ZNF804B: variants seen among roughly 807,000 people sequenced by gnomAD.
ZNF804B encodes the protein zinc finger protein 804B, also known as zinc finger 804B.
ZNF804B carries 80 observed loss-of-function variants against 101.4 expected under a neutral mutation model. That is an observed-to-expected ratio of 0.79 (90% CI 0.66 to 0.95). ZNF804B has a LOEUF of 0.95. Ranked by LOEUF, ZNF804B falls within the 40% of genes least tolerant of loss-of-function variation. The pLI, the probability that ZNF804B is intolerant of heterozygous loss-of-function variation, is 0.00. For missense variants in ZNF804B, 1,673 were observed against 1,561.9 expected (o/e 1.07, Z -1.20); for synonymous variants, 622 against 558.8 (o/e 1.11, Z -1.59).
chr7:88,772,932 T>C (rs962889913), intron 1 of ZNF804B, among the ~76,000 whole-genome samples: 3 of 152,170 alleles, frequency 2.0e-5, no homozygotes, highest in Non-Finnish European at 4.4e-5. Context: ...TTCTTCCTTT[T>C]CCTCTGTATC....
At chr7:88,774,986 G>T (rs1169153139) in intron 1 of ZNF804B, among the ~76,000 whole-genome samples, 1 of 152,112 alleles carries the variant, frequency 6.6e-6, no homozygotes, top group Non-Finnish European at 1.5e-5. Flanking sequence ...AACATTTTGG[G>T]GTCCTTACTA....
chr7:88,942,501 AGTGTGT>A (rs72429940), intron 1 of ZNF804B, among the ~76,000 whole-genome samples: 14 of 86,982 alleles, frequency 1.6e-4, no homozygotes, highest in African/African-American at 2.5e-4. Flanking sequence ...TATTTGAGTG[AGTGTGT>A]GTGTGTGTGT....
At chr7:89,243,836 G>T (rs775530497) in intron 2 of ZNF804B, among the ~76,000 whole-genome samples, 1 of 151,654 alleles carries the variant, frequency 6.6e-6, no homozygotes, top group African/African-American at 2.4e-5. Context: ...AGTTCATGTG[G>T]TAAATAAACA....
rs1400458515 is a variant in ZNF804B at position 89,334,580 on chromosome 7, A to G, written c.1598A>G (p.Tyr533Cys). The G allele has an allele frequency of 1.9e-6, 3 of 1,613,826 alleles. No homozygotes were observed. The highest frequency in any genetic ancestry group is 1.7e-6 in the Non-Finnish European group (2 of 1,179,854). Reference sequence around the variant, plus strand: ...AAATTGATCCAAGAAGATTATCAATATCCGAAACCAAAGACGATGATAGCT... The same window carrying G: ...AAATTGATCCAAGAAGATTATCAATGTCCGAAACCAAAGACGATGATAGCT... ...QQKLIQEDYQYPKPKTMIANP... is the reference protein window; with the variant it reads ...QQKLIQEDYQCPKPKTMIANP... The change falls in exon 4 of 4, where the codon TAT (tyrosine) becomes TGT (cysteine). Residue 533 changes from tyrosine to cysteine, a missense_variant. Physicochemically the swap from Tyr to Cys is radical, Grantham distance 194. Transcript: ENST00000333190.
intron 1 of ZNF804B, among the ~76,000 whole-genome samples, chr7:88,981,867 G>T (rs1014185552): frequency 1.3e-5 from 2 of 152,016 alleles, no homozygotes; most frequent in African/African-American, 4.8e-5. Flanking sequence ...GGGGATCAGG[G>T]AGTGGTGGTG....
intron 1 of ZNF804B, among the ~76,000 whole-genome samples, chr7:89,023,926 C>T (rs1323623980): frequency 6.6e-6 from 1 of 152,114 alleles, no homozygotes; most frequent in Admixed American, 6.6e-5. Context: ...TACAATGAAA[C>T]CAAGCTGACA....
At chr7:89,039,752 G>GT (rs1023239272) in intron 1 of ZNF804B, among the ~76,000 whole-genome samples, 3 of 151,606 alleles carry the variant, frequency 2.0e-5, no homozygotes, top group African/African-American at 4.8e-5. Context: ...TCTGGGTATA[G>GT]TTTTTTTGGT....
intron 1 of ZNF804B, among the ~76,000 whole-genome samples, chr7:88,989,186 C>T (rs925492543): frequency 1.3e-5 from 2 of 151,880 alleles, no homozygotes; most frequent in Non-Finnish European, 2.9e-5. Flanking sequence ...TTAGTAGAGA[C>T]GGGGTTTCAC....
intron 1 of ZNF804B, among the ~76,000 whole-genome samples, chr7:88,991,939 C>A (rs1793853678): frequency 6.6e-6 from 1 of 152,112 alleles, no homozygotes; most frequent in Non-Finnish European, 1.5e-5. Context: ...CAAAAAATTA[C>A]AATATTGGCA....
chr7:89,014,727 T>G lies in ZNF804B; in HGVS notation c.109-203428T>G, dbSNP rs147658163. On this transcript the variant is annotated intron_variant, in intron 1 of 3. Coordinates refer to ENST00000333190, the MANE Select transcript of ZNF804B (RefSeq NM_181646.5). ...ATTGTTTATTTGCTGTTGAGATGTTTGATATCCTTGTATATTCTAGATGTT... is the reference window on the plus strand; with the variant it reads ...ATTGTTTATTTGCTGTTGAGATGTTGGATATCCTTGTATATTCTAGATGTT... Among the ~76,000 whole-genome samples, 1,187 of 152,344 alleles carry G rather than the reference T, an allele frequency of 7.8e-3. 20 individuals are homozygous for G. The highest frequency in any genetic ancestry group is 0.027 in the African/African-American group (1,130 of 41,574).
chr7:88,928,933 T>C (rs1262779524), intron 1 of ZNF804B, among the ~76,000 whole-genome samples: 1 of 152,060 alleles, frequency 6.6e-6, no homozygotes, highest in Non-Finnish European at 1.5e-5. Context: ...GACACTTATT[T>C]TGGACAGTAT....
chr7:89,285,228 A>G (rs1562937034), intron 2 of ZNF804B, among the ~76,000 whole-genome samples: 1 of 151,768 alleles, frequency 6.6e-6, no homozygotes, highest in Admixed American at 6.6e-5. Flanking sequence ...CAAAAAAATA[A>G]AAGAAGAAAA....
At chr7:89,066,866 A>G (rs563359501) in intron 1 of ZNF804B, among the ~76,000 whole-genome samples, 22 of 152,054 alleles carry the variant, frequency 1.4e-4, no homozygotes, top group African/African-American at 4.8e-4. Context: ...GGGTTCAAGC[A>G]GTTCTCCTGC....
chr7:89,128,457 G>C (rs1427589903), intron 1 of ZNF804B, among the ~76,000 whole-genome samples: 1 of 151,850 alleles, frequency 6.6e-6, no homozygotes, highest in Non-Finnish European at 1.5e-5. Flanking sequence ...TGTGAGAATG[G>C]CCTTTAGCCC....
intron 1 of ZNF804B, among the ~76,000 whole-genome samples, chr7:88,768,167 A>G (rs1377782028): frequency 2.6e-5 from 4 of 152,212 alleles, no homozygotes; most frequent in Non-Finnish European, 5.9e-5. Flanking sequence ...GGACATTCCC[A>G]CTGATACATT....
intron 1 of ZNF804B, among the ~76,000 whole-genome samples, chr7:88,875,974 G>A (rs1053907231): frequency 2.6e-5 from 4 of 152,054 alleles, no homozygotes; most frequent in Non-Finnish European, 4.4e-5. Flanking sequence ...GAGCAAGTGG[G>A]CTTCATCCCT....
In ZNF804B at chr7:89,259,263, A is replaced by G. The variant is rs192949025; in HGVS notation, c.249+40968A>G. On this transcript the variant is annotated intron_variant, in intron 2 of 3. Transcript: ENST00000333190. ...GGTGTCTATTGGCTCTACTTTTTCTAAGATCCATATCTTGTAACCTTGCAC... is the reference window on the plus strand; with the variant it reads ...GGTGTCTATTGGCTCTACTTTTTCTGAGATCCATATCTTGTAACCTTGCAC... 3.6e-3 allele frequency among the ~76,000 whole-genome samples: 547 copies of G among 152,170 alleles called. 7 individuals are homozygous for G. Among genetic ancestry groups the G allele is most frequent in the African/African-American group, 0.012 (510 of 41,510 alleles).
chr7:89,005,453 G>A (rs910901622), intron 1 of ZNF804B, among the ~76,000 whole-genome samples: 4 of 151,922 alleles, frequency 2.6e-5, no homozygotes, highest in African/African-American at 9.7e-5. Context: ...GTATGTAGAT[G>A]GAAATACAAA....
intron 1 of ZNF804B, among the ~76,000 whole-genome samples, chr7:88,942,728 A>G (rs1793074170): frequency 6.6e-6 from 1 of 151,734 alleles, no homozygotes; most frequent in Non-Finnish European, 1.5e-5. Context: ...TGAAAATATA[A>G]AGTCTTTTCT....
Sources: gnomAD v4.1 joint callset for allele counts (sites outside exome capture counted in the v4.1 genomes callset) on GRCh38, gnomAD v4.1.1 for gene constraint, MANE v1.5 for transcripts, NCBI Gene and HGNC (gene_info 2026-07-23, HGNC 2026-07-21) for gene names.